The following SLC44A1 variants were observed in gnomAD, a reference collection of about 807,000 sequenced individuals.
SLC44A1 encodes the protein choline transporter-like protein 1.
In SLC44A1, 26 loss-of-function variants were observed where a neutral mutation model predicts 79.3. That is an observed-to-expected ratio of 0.33 (90% CI 0.24 to 0.46). SLC44A1 has a LOEUF of 0.46. SLC44A1 is among the 20% of genes least tolerant of loss of function. SLC44A1 has a pLI of 1.00. For synonymous variants in SLC44A1, 263 were observed against 286.2 expected, an observed-to-expected ratio of 0.92 and a Z score of 0.82; for missense variants, 688 against 798.1, an observed-to-expected ratio of 0.86 and a Z score of 1.66.
chr9:105,429,749 A>G (rs1411565391), intron 15 of SLC44A1, among the ~76,000 whole-genome samples: 2 of 152,202 alleles, frequency 1.3e-5, no homozygotes, highest in Non-Finnish European at 2.9e-5. Flanking sequence ...TAGTAAAAAC[A>G]TTAACACTTA....
rs1027429231 is a variant in SLC44A1, at chr9:105,335,782, T to G, written c.406+83T>G. The G allele has an allele frequency of 3.9e-6, 5 of 1,276,942 alleles. No homozygotes were observed. The Admixed American group carries it at 6.8e-5, about 17-fold the overall frequency. The allele number at this position is 1,276,942 out of a possible 1,614,324, so 79.1% of individuals were successfully genotyped here. ...TAAATTTGCCCTAGTGTTAAATAAA[T>G]TATCAAGGAACCTTAGATAATTGAA... is the stretch of plus-strand genomic sequence containing the variant. On this transcript the variant is annotated intron_variant, in intron 4 of 15. Coordinates refer to ENST00000374720, the MANE Select transcript of SLC44A1 (RefSeq NM_080546.5).
Position 105,390,247 on chromosome 9 carries a change from G to C in SLC44A1, c.*1191G>C. ...TGAATGGCTAATACTCCATTGTTCT[G>C]CTTGTTGTAATGGTGAATGCTTTAA... On this transcript the variant is annotated 3_prime_UTR_variant, in exon 16 of 16. Coordinates refer to ENST00000374720, the MANE Select transcript of SLC44A1 (RefSeq NM_080546.5). 1 of 1,075,122 alleles carries C rather than the reference G, an allele frequency of 9.3e-7. No individual in the cohort carries two copies. The allele number at this position is 1,075,122 out of a possible 1,614,324, so 66.6% of individuals were successfully genotyped here. A position where few individuals can be genotyped will look rare whatever the true frequency, so the allele number is the denominator to read the frequency against.
chr9:105,377,536 A>T lies in SLC44A1; in HGVS notation c.1632+2801A>T, dbSNP rs560604097. Among the ~76,000 whole-genome samples the T allele has an allele frequency of 5.1e-4, 77 of 152,050 alleles. 1 individual carries two copies. The South Asian group carries it at 0.012, about 24-fold the overall frequency. ...GAGGCCAAGGCGGGCAGATCACCTG[A>T]GGTCAGTAGTTCAAGACCAGCCTGG... On this transcript the variant is annotated intron_variant, in intron 13 of 15. Transcript: ENST00000374720.
intron 4 of SLC44A1, among the ~76,000 whole-genome samples, chr9:105,336,731 T>C (rs894726653): frequency 3.3e-5 from 5 of 152,126 alleles, no homozygotes; most frequent in Non-Finnish European, 5.9e-5. Flanking sequence ...TGTCTTCCAG[T>C]TGGGGATGCT....
intron 1 of SLC44A1, among the ~76,000 whole-genome samples, chr9:105,257,806 A>G (rs1357861103): frequency 7.2e-5 from 11 of 152,220 alleles, no homozygotes. Flanking sequence ...GAAGCAGACA[A>G]TAACTTGCTG....
intron 3 of SLC44A1, among the ~76,000 whole-genome samples, chr9:105,320,361 A>G (rs929070218): frequency 7.2e-6 from 1 of 139,768 alleles, no homozygotes; most frequent in Non-Finnish European, 1.5e-5. Context: ...GTAATTTAAT[A>G]TATTTCATTA....
chr9:105,321,215 T>G (rs933309880), intron 3 of SLC44A1, among the ~76,000 whole-genome samples: 1 of 152,182 alleles, frequency 6.6e-6, no homozygotes, highest in Non-Finnish European at 1.5e-5. Context: ...TTGATATATA[T>G]GATTCATTTT....
intron 12 of SLC44A1, among the ~76,000 whole-genome samples, chr9:105,368,698 A>G (rs1430601917): frequency 6.6e-6 from 1 of 152,202 alleles, no homozygotes; most frequent in Non-Finnish European, 1.5e-5. Context: ...CACATCTCAA[A>G]TTGTAATGAT....
intron 2 of SLC44A1, among the ~76,000 whole-genome samples, chr9:105,305,842 C>CTTTTTTTTTTTTT (rs1564426808): frequency 7.4e-6 from 1 of 134,382 alleles, no homozygotes; most frequent in African/African-American, 3.0e-5. Flanking sequence ...AAAAGTGTGT[C>CTTTTTTTTTTTTT]CTTTTTTTTT....
At chr9:105,256,519 T>A (rs920646759) in intron 1 of SLC44A1, among the ~76,000 whole-genome samples, 1 of 151,638 alleles carries the variant, frequency 6.6e-6, no homozygotes, top group Non-Finnish European at 1.5e-5. Flanking sequence ...TTTCATTATG[T>A]AAGCATATGG....
At chr9:105,338,424 C>T (rs1036148241) in intron 4 of SLC44A1, among the ~76,000 whole-genome samples, 2 of 151,572 alleles carry the variant, frequency 1.3e-5, no homozygotes, top group Non-Finnish European at 2.9e-5. Context: ...TCTTTTTCTT[C>T]CTGCTTAAGA....
chr9:105,249,723 C>T (rs1190073673), intron 1 of SLC44A1, among the ~76,000 whole-genome samples: 3 of 150,360 alleles, frequency 2.0e-5, no homozygotes, highest in African/African-American at 7.4e-5. Context: ...TTAGTAGAGA[C>T]GAGTTTTCAC....
In SLC44A1 at chr9:105,364,693, G is replaced by T. The variant is rs1340263960; in HGVS notation, c.1226G>T (p.Gly409Val). The change falls in exon 10 of 16, where the codon GGA (glycine) becomes GTA (valine). Residue 409 changes from glycine to valine, a missense_variant. By Grantham distance (109) the Gly-to-Val change is moderately radical. Coordinates refer to ENST00000374720, the MANE Select transcript of SLC44A1 (RefSeq NM_080546.5). ...GCATGTCAGCAGATGACAGTGGCAG[G>T]AGCTGTGGTAACATACTATTTTACT... Reference protein sequence around the residue: ...ILACQQMTVAGAVVTYYFTRD... With the variant: ...ILACQQMTVAVAVVTYYFTRD... 6.2e-7 allele frequency: 1 copy of T among 1,613,824 alleles called. No homozygotes were observed. The highest frequency in any genetic ancestry group is 2.2e-5 in the East Asian group (1 of 44,880).
In SLC44A1 at chr9:105,389,985, C is replaced by T; in HGVS notation, c.*929C>T. ...GAAAATTCCGGTGCTTGGGCTTCGG[C>T]TTCAGAGTAACGTCAGTGGCTTAGG... On this transcript the variant is annotated 3_prime_UTR_variant, in exon 16 of 16. Transcript: ENST00000374720. The T allele has an allele frequency of 6.9e-7, 1 of 1,453,554 alleles. No individual in the cohort carries two copies. Among genetic ancestry groups the T allele is most frequent in the African/African-American group, 1.4e-5 (1 of 69,930 alleles). The allele number at this position is 1,453,554 out of a possible 1,614,324, so 90.0% of individuals were successfully genotyped here.
chr9:105,359,786 C>G (rs754428150), intron 7 of SLC44A1, among the ~76,000 whole-genome samples: 5 of 152,138 alleles, frequency 3.3e-5, no homozygotes, highest in African/African-American at 4.8e-5. Flanking sequence ...GAAACATTCC[C>G]TTGCTCTAAA....
At chr9:105,294,136 T>A (rs1830664790) in intron 1 of SLC44A1, among the ~76,000 whole-genome samples, 2 of 152,224 alleles carry the variant, frequency 1.3e-5, no homozygotes, top group Admixed American at 1.3e-4. Context: ...ATTACTAACC[T>A]TGTATATGTG....
chr9:105,420,849 GAAACTC>G (rs1829238742), intron 15 of SLC44A1, among the ~76,000 whole-genome samples: 1 of 90,520 alleles, frequency 1.1e-5, no homozygotes, highest in African/African-American at 4.2e-5. Context: ...CAACAAGAGT[GAAACTC>G]CATCTCAAAA....
intron 5 of SLC44A1, among the ~76,000 whole-genome samples, chr9:105,351,530 CTGAAAGAAAGAAAGAAAGAAA>C (rs1827405963): frequency 1.4e-3 from 88 of 63,794 alleles, no homozygotes; most frequent in Middle Eastern, 8.8e-3. Flanking sequence ...AAGACCCTGT[CTGAAAGAAAGAAAGAAAGAAA>C]GAAAGAGAGA....
intron 3 of SLC44A1, among the ~76,000 whole-genome samples, chr9:105,323,163 C>T (rs1347864555): frequency 6.8e-6 from 1 of 147,480 alleles, no homozygotes; most frequent in Non-Finnish European, 1.5e-5. Context: ...TTGCAGTGAG[C>T]CGAGATCATG....
Sources: gnomAD v4.1 joint callset for allele counts (sites outside exome capture counted in the v4.1 genomes callset) on GRCh38, gnomAD v4.1.1 for gene constraint, MANE v1.5 for transcripts, NCBI Gene and HGNC (gene_info 2026-07-23, HGNC 2026-07-21) for gene names.